SYT11: variants seen among roughly 807,000 people sequenced by gnomAD.
SYT11 encodes synaptotagmin 11, also known as synaptotagmin-11.
A neutral mutation model predicts 30.4 loss-of-function variants in SYT11; 12 were observed. That is an observed-to-expected ratio of 0.39 (90% CI 0.25 to 0.64). SYT11 has a LOEUF of 0.64. SYT11 is among the 30% of genes least tolerant of loss of function. The pLI is 0.45. For synonymous variants in SYT11, 204 were observed against 216.0 expected, an observed-to-expected ratio of 0.94 and a Z score of 0.49; for missense variants, 412 against 552.0, an observed-to-expected ratio of 0.75 and a Z score of 2.54.
rs149898255 is a variant in SYT11 at position 155,880,421 on chromosome 1, T to C, written c.862-79T>C. On this transcript the variant is annotated intron_variant, in intron 2 of 3. Coordinates refer to ENST00000368324, the MANE Select transcript of SYT11 (RefSeq NM_152280.5). ...CCTGCACTTGTCCTCCCCCAGACTC[T>C]TCCCACTGCTCTGCACACTTTTTGT... The C allele has an allele frequency of 3.8e-6, 6 of 1,564,258 alleles. No homozygotes were observed. The East Asian group carries it at 1.4e-4, about 36-fold the overall frequency.
chr1:155,876,235 CTTTTTTTT>C (rs67952920), intron 2 of SYT11, among the ~76,000 whole-genome samples: 2 of 96,132 alleles, frequency 2.1e-5, no homozygotes, highest in Non-Finnish European at 3.7e-5. Flanking sequence ...ACTCACCTCC[CTTTTTTTT>C]TTTTTTTTTT....
intron 2 of SYT11, among the ~76,000 whole-genome samples, chr1:155,869,524 G>A (rs1040035807): frequency 2.6e-5 from 4 of 151,764 alleles, no homozygotes; most frequent in East Asian, 3.9e-4. Context: ...CACCTGCCTC[G>A]GACTCCAAAA....
intron 1 of SYT11, among the ~76,000 whole-genome samples, chr1:155,863,709 T>C (rs1672627132): frequency 6.6e-6 from 1 of 151,944 alleles, no homozygotes; most frequent in Non-Finnish European, 1.5e-5. Context: ...TCACTTGAGG[T>C]CAGGAGTTCG....
intron 2 of SYT11, 112 bp from the exon 3 acceptor site, chr1:155,880,388 T>G (rs1417073535): frequency 7.5e-7 from 1 of 1,325,138 alleles, no homozygotes; most frequent in Non-Finnish European, 1.0e-6. Context: ...TCCAAAAAAC[T>G]TATCATCCCT....
chr1:155,880,457 G>A (rs1001339547), intron 2 of SYT11, 43 bp from the exon 3 acceptor site: 2 of 1,608,752 alleles, frequency 1.2e-6, no homozygotes, highest in South Asian at 2.2e-5. Context: ...GCTCTGCCCT[G>A]CACCCTCTGC....
chr1:155,876,144 T>A (rs558523401), intron 2 of SYT11, among the ~76,000 whole-genome samples: 1 of 152,128 alleles, frequency 6.6e-6, no homozygotes, highest in Admixed American at 6.5e-5. Context: ...TTTGGGGCTT[T>A]GAAGAATACA....
chr1:155,873,137 T>C (rs17370982), intron 2 of SYT11, among the ~76,000 whole-genome samples: 3,446 of 152,216 alleles, frequency 0.023, 37 homozygotes, highest in Non-Finnish European at 0.034. Context: ...GCTTTTAAAA[T>C]CAGATGTCGG....
At chr1:155,861,640 C>T (rs112293774) in intron 1 of SYT11, among the ~76,000 whole-genome samples, 9,989 of 152,198 alleles carry the variant, frequency 0.066, 407 homozygotes, top group African/African-American at 0.11. Flanking sequence ...GTTTTTGAGA[C>T]GGAGTTTCGA....
rs144549493 is a variant in SYT11 at position 155,868,352 on chromosome 1, C to T, written c.422C>T (p.Pro141Leu). 1.2e-6 allele frequency: 2 copies of T among 1,614,022 alleles called. No homozygotes were observed. Among genetic ancestry groups the T allele is most frequent in the Non-Finnish European group, 1.7e-6 (2 of 1,180,014 alleles). ...AGGAGCCCTATTACAAGCCTGACCCCTGGGGAGAGCAAAACCACCTCTCCA... is the reference window on the plus strand; with the variant it reads ...AGGAGCCCTATTACAAGCCTGACCCTTGGGGAGAGCAAAACCACCTCTCCA... Reference protein sequence around the residue: ...ELRSPITSLTPGESKTTSPSS... With the variant: ...ELRSPITSLTLGESKTTSPSS... Residue 141 changes from proline (P) to leucine (L), a missense_variant, in exon 2 of 4, where the codon CCT becomes CTT. By Grantham distance (98) the Pro-to-Leu change is moderately conservative (BLOSUM62 -3). Coordinates refer to ENST00000368324, the MANE Select transcript of SYT11 (RefSeq NM_152280.5). The surrounding 1 kb of genome is among the most constrained non-coding windows in gnomAD (Gnocchi z 4.7).
rs188264904 is a variant in SYT11 at position 155,878,798 on chromosome 1, C to T, written c.862-1702C>T. On this transcript the variant is annotated intron_variant, in intron 2 of 3. Transcript: ENST00000368324. The stretch of plus-strand genomic sequence containing the variant: ...AGGAGAATGGCATGAACCTGGGAGG[C>T]GGAGGTTGCAGTGAGCCGAGGTCTC... Among the ~76,000 whole-genome samples, 31 of 151,732 alleles carry T rather than the reference C, an allele frequency of 2.0e-4. 2 individuals carry two copies. The highest frequency in any genetic ancestry group is 1.5e-3 in the Admixed American group (23 of 15,220).
chr1:155,874,440 G>T (rs1457396748), intron 2 of SYT11, among the ~76,000 whole-genome samples: 1 of 151,666 alleles, frequency 6.6e-6, no homozygotes, highest in African/African-American at 2.4e-5. Flanking sequence ...TCTTTACCAA[G>T]AATACAAAAA....
intron 2 of SYT11, among the ~76,000 whole-genome samples, chr1:155,872,435 T>C (rs1672794204): frequency 6.6e-6 from 1 of 152,226 alleles, no homozygotes; most frequent in East Asian, 1.9e-4. Flanking sequence ...CTGCTAATTA[T>C]AGGAAAACAG....
In SYT11 at chr1:155,876,965, T is replaced by G. The variant is rs1324465761; in HGVS notation, c.862-3535T>G. ...CACACCCGGCTAATTTTTCTATTTC[T>G]TTTTTTTTTTTTTTTTCCTGAGACG... On this transcript the variant is annotated intron_variant, in intron 2 of 3. Coordinates refer to ENST00000368324, the MANE Select transcript of SYT11 (RefSeq NM_152280.5). Among the ~76,000 whole-genome samples, 3 of 8,664 alleles carry G rather than the reference T, an allele frequency of 3.5e-4. No homozygotes were observed. The Non-Finnish European group carries it at 9.1e-3, about 26-fold the overall frequency. 5.7% of individuals were successfully genotyped at this position (8,664 alleles called of 152,430 possible). A position where few individuals can be genotyped will look rare whatever the true frequency, so the allele number is the denominator to read the frequency against.
intron 2 of SYT11, among the ~76,000 whole-genome samples, chr1:155,874,783 A>G (rs1672835456): frequency 1.3e-5 from 2 of 148,160 alleles, no homozygotes; most frequent in Admixed American, 6.7e-5. Context: ...CCAGCTACTC[A>G]GGAGGCTGAG....
intron 2 of SYT11, among the ~76,000 whole-genome samples, chr1:155,878,905 T>A (rs2025576): frequency 0.38 from 55,954 of 149,122 alleles, 11,201 homozygotes; most frequent in South Asian, 0.54. Flanking sequence ...ATAAATTAAT[T>A]AATTAATTAA....
At position 155,860,614 on chromosome 1, in the gene SYT11, G is replaced by A. The variant is rs1422731793; in HGVS notation, c.34+819G>A. On this transcript the variant is annotated intron_variant, in intron 1 of 3. Coordinates refer to ENST00000368324, the MANE Select transcript of SYT11 (RefSeq NM_152280.5). The surrounding 1 kb of genome is among the most constrained non-coding windows in gnomAD (Gnocchi z 4.1). ...CGGGGGCGCGATCCAGGCCGGAGGGGGAGGGGCGAAAGAGGCCCAGCCCGG... is the reference window on the plus strand; with the variant it reads ...CGGGGGCGCGATCCAGGCCGGAGGGAGAGGGGCGAAAGAGGCCCAGCCCGG... 7.2e-5 allele frequency among the ~76,000 whole-genome samples: 11 copies of A among 152,186 alleles called. No homozygotes were observed.
At chr1:155,877,982 C>T (rs1377638154) in intron 2 of SYT11, among the ~76,000 whole-genome samples, 1 of 152,144 alleles carries the variant, frequency 6.6e-6, no homozygotes, top group East Asian at 1.9e-4. Flanking sequence ...GTGGCTTACA[C>T]CTGCAATCCC....
Position 155,868,674 on chromosome 1 carries a change from C to T in SYT11, c.744C>T (p.Ser248=). 6.2e-7 allele frequency: 1 copy of T among 1,614,216 alleles called. No homozygotes were observed. Among genetic ancestry groups the T allele is most frequent in the South Asian group, 1.1e-5 (1 of 91,088 alleles). Residue 248 remains serine, a synonymous_variant, in exon 2 of 4, where the codon AGC becomes AGT. Coordinates refer to ENST00000368324, the MANE Select transcript of SYT11 (RefSeq NM_152280.5). The surrounding 1 kb of genome is among the most constrained non-coding windows in gnomAD (Gnocchi z 4.7). ...TGGTGCTGCACTTCCTTGTCCTCAG[C>T]TTTGACCGCTTCTCTCGGGATGATG... ...QDLVLHFLVL[S]FDRFSRDDVI... is the part of the protein sequence containing the mutation.
Position 155,868,264 on chromosome 1 carries a change from G to A in SYT11, c.334G>A (p.Gly112Arg). The part of the protein sequence containing the change: ...GLLSRDKDPR[G>R]PSSGSCIDQL... ...GCTAAGCCGAGACAAAGATCCCAGG[G>A]GGCCTAGCTCTGGATCTTGTATAGA... Residue 112 changes from glycine (G) to arginine (R), a missense_variant, in exon 2 of 4, where the codon GGG (glycine) becomes AGG (arginine). Transcript: ENST00000368324. This position sits in a 1 kb window ranked among gnomAD's most constrained non-coding sequence, Gnocchi z 4.7. The A allele has an allele frequency of 1.2e-6, 2 of 1,614,078 alleles. No individual in the cohort carries two copies. The highest frequency in any genetic ancestry group is 1.1e-5 in the South Asian group (1 of 91,068).
Sources: gnomAD v4.1 joint callset for allele counts (sites outside exome capture counted in the v4.1 genomes callset) on GRCh38, gnomAD v4.1.1 for gene constraint, Gnocchi (gnomAD v3.1) non-coding constraint, MANE v1.5 for transcripts, NCBI Gene and HGNC (gene_info 2026-07-23, HGNC 2026-07-21) for gene names.